Variants in IL2RA observed in about 807,000 individuals in gnomAD.
The protein encoded by IL2RA is interleukin 2 receptor subunit alpha, also known as interleukin-2 receptor subunit alpha.
Under a neutral mutation model 37.8 loss-of-function variants are expected in IL2RA, and 24 were observed. The ratio of observed to expected loss-of-function variants is 0.63; its 90% confidence interval spans 0.46 to 0.89. The LOEUF (loss-of-function observed/expected upper bound fraction) is 0.89. Ranked by LOEUF, IL2RA falls within the 40% of genes least tolerant of loss-of-function variation. IL2RA has a pLI of 0.00. For missense variants in IL2RA, 319 were observed against 348.6 expected (o/e 0.92, Z 0.68); for synonymous variants, 125 against 114.6 (o/e 1.09, Z -0.58).
chr10:6,031,436 A>G (rs1839572594), intron 1 of IL2RA, among the ~76,000 whole-genome samples: 1 of 114,766 alleles, frequency 8.7e-6, no homozygotes, highest in African/African-American at 3.2e-5. Context: ...CAAGTTAGCA[A>G]TTTCAGTATA....
rs1839870101 is a variant in IL2RA at position 6,046,899 on chromosome 10, G to T, written c.64+15189C>A. The stretch of plus-strand genomic sequence containing the variant: ...GAGAGCTGAATTCCAAGGTGGCCAC[G>T]TTTCCTAAGGACATGGGAACTTAAG... On this transcript the variant is annotated intron_variant, in intron 1 of 7. Transcript: ENST00000379959. The surrounding 1 kb of genome is among the most constrained non-coding windows in gnomAD (Gnocchi z 4.8). 6.6e-6 allele frequency among the ~76,000 whole-genome samples: 1 copy of T among 152,192 alleles called. No homozygotes were observed. The highest frequency in any genetic ancestry group is 2.4e-5 in the African/African-American group (1 of 41,438).
At chr10:6,040,852 A>G (rs1436538325) in intron 1 of IL2RA, among the ~76,000 whole-genome samples, 5 of 152,248 alleles carry the variant, frequency 3.3e-5, no homozygotes, top group South Asian at 4.1e-4. Context: ...AGAAAACCCA[A>G]GACGGTTAAA....
chr10:6,034,417 T>G (rs1024186187), intron 1 of IL2RA, among the ~76,000 whole-genome samples: 19 of 151,456 alleles, frequency 1.3e-4, no homozygotes, highest in African/African-American at 4.4e-4. Flanking sequence ...TTGCTCTTTT[T>G]CAATCTAATA....
intron 6 of IL2RA, 131 bp downstream of exon 6, chr10:6,019,293 AACCT>A: frequency 1.3e-6 from 1 of 781,952 alleles, no homozygotes; most frequent in Non-Finnish European, 2.4e-6. Flanking sequence ...TCAACTAGCC[AACCT>A]ACCTATCAAC....
chr10:6,027,998 G>A (rs954319180), intron 1 of IL2RA, among the ~76,000 whole-genome samples: 3 of 152,172 alleles, frequency 2.0e-5, no homozygotes, highest in Non-Finnish European at 2.9e-5. Context: ...TGCTGAAACA[G>A]CTGTAAAACC....
intron 1 of IL2RA, among the ~76,000 whole-genome samples, chr10:6,045,050 G>C (rs1839828025): frequency 6.6e-6 from 1 of 152,230 alleles, no homozygotes; most frequent in African/African-American, 2.4e-5. Flanking sequence ...AAAGTTGCCT[G>C]ATTCCCTCGG....
At chr10:6,045,129 TG>T (rs1199841343) in intron 1 of IL2RA, among the ~76,000 whole-genome samples, 1 of 152,180 alleles carries the variant, frequency 6.6e-6, no homozygotes, top group East Asian at 1.9e-4. Context: ...TCCGAGCACT[TG>T]GACACATCTC....
At chr10:6,043,756 A>T (rs1027743970) in intron 1 of IL2RA, among the ~76,000 whole-genome samples, 1 of 152,246 alleles carries the variant, frequency 6.6e-6, no homozygotes, top group Non-Finnish European at 1.5e-5. Context: ...TATTTAAAAT[A>T]AACAAAAAGG....
intron 1 of IL2RA, among the ~76,000 whole-genome samples, chr10:6,051,362 G>T (rs867866218): frequency 3.9e-4 from 59 of 152,078 alleles, no homozygotes; most frequent in African/African-American, 1.4e-3. Flanking sequence ...CTTTAACTCC[G>T]GGGACTTCAA....
chr10:6,036,802 G>A lies in IL2RA; in HGVS notation c.65-10777C>T, dbSNP rs1340732864. Reference sequence around the variant, plus strand: ...GTGGGGGACAGTCATTTTAGAGAGCGGACACCACTGCTGAAGAAGAAGGAT... The same window carrying A: ...GTGGGGGACAGTCATTTTAGAGAGCAGACACCACTGCTGAAGAAGAAGGAT... On this transcript the variant is annotated intron_variant, in intron 1 of 7. Coordinates refer to ENST00000379959, the MANE Select transcript of IL2RA (RefSeq NM_000417.3). This position sits in a 1 kb window ranked among gnomAD's most constrained non-coding sequence, Gnocchi z 6.1. Among the ~76,000 whole-genome samples the A allele has an allele frequency of 1.3e-4, 19 of 151,884 alleles. No individual in the cohort carries two copies. Among genetic ancestry groups the A allele is most frequent in the Non-Finnish European group, 7.4e-5 (5 of 68,026 alleles).
At position 6,033,659 on chromosome 10, in the gene IL2RA, T is replaced by G. The variant is rs1167497452; in HGVS notation, c.65-7634A>C. ...AGGCAATATTGATAAATCTCAAAAA[T>G]GTTATGTTGAACAAAATAAGCTAAA... is the stretch of plus-strand genomic sequence containing the variant. On this transcript the variant is annotated intron_variant, in intron 1 of 7. Transcript: ENST00000379959. This position sits in a 1 kb window ranked among gnomAD's most constrained non-coding sequence, Gnocchi z 4.3. Among the ~76,000 whole-genome samples the G allele has an allele frequency of 6.6e-6, 1 of 152,186 alleles. No individual in the cohort carries two copies. The highest frequency in any genetic ancestry group is 1.5e-5 in the Non-Finnish European group (1 of 68,032).
Position 6,021,333 on chromosome 10 carries a change from CA to C in IL2RA, c.583+144del. ...TCTATTTAAATTTTTTTTTTTTTCT[CA>C]GAATGAGAAAAAATGGAAGCCCAGG... On this transcript the variant is annotated intron_variant, in intron 4 of 7. Transcript: ENST00000379959. The surrounding 1 kb of genome is among the most constrained non-coding windows in gnomAD (Gnocchi z 4.9). The C allele has an allele frequency of 2.8e-6, 2 of 706,392 alleles. No individual in the cohort carries two copies. Among genetic ancestry groups the C allele is most frequent in the Non-Finnish European group, 4.8e-6 (2 of 414,914 alleles). 43.8% of individuals were successfully genotyped at this position (706,392 alleles called of 1,614,324 possible).
rs1358139739 is a variant in IL2RA at position 6,058,292 on chromosome 10, A to G, written c.64+3796T>C. ...AGCACCTCTAACTGACGCATTCGTG[A>G]AACTCATTCTTTTGGTGCAGAATTG... is the stretch of plus-strand genomic sequence containing the variant. On this transcript the variant is annotated intron_variant, in intron 1 of 7. Transcript: ENST00000379959. This position sits in a 1 kb window ranked among gnomAD's most constrained non-coding sequence, Gnocchi z 4.2. Among the ~76,000 whole-genome samples, 4 of 152,222 alleles carry G rather than the reference A, an allele frequency of 2.6e-5. No homozygotes were observed. The highest frequency in any genetic ancestry group is 7.2e-5 in the African/African-American group (3 of 41,458).
rs1047930273 is a variant in IL2RA at position 6,036,589 on chromosome 10, C to T, written c.65-10564G>A. Among the ~76,000 whole-genome samples, 4 of 152,210 alleles carry T rather than the reference C, an allele frequency of 2.6e-5. No homozygotes were observed. The highest frequency in any genetic ancestry group is 4.4e-5 in the Non-Finnish European group (3 of 68,036). ...GGGCAGGCCAGCGGCTCTTCCCTGA[C>T]GTGGAATTATGAGCCCTCTTTCTTC... On this transcript the variant is annotated intron_variant, in intron 1 of 7. Transcript: ENST00000379959. The surrounding 1 kb of genome is among the most constrained non-coding windows in gnomAD (Gnocchi z 6.1).
At chr10:6,023,356 GA>G (rs999501890) in intron 3 of IL2RA, among the ~76,000 whole-genome samples, 2 of 152,018 alleles carry the variant, frequency 1.3e-5, no homozygotes, top group African/African-American at 4.8e-5. Flanking sequence ...TTTGAGGGGG[GA>G]CAGAGTCTTC....
Position 6,062,081 on chromosome 10 carries a change from C to T in IL2RA, c.64+7G>A. 2 of 1,613,304 alleles carry T rather than the reference C, an allele frequency of 1.2e-6. No individual in the cohort carries two copies. Among genetic ancestry groups the T allele is most frequent in the Non-Finnish European group, 1.7e-6 (2 of 1,179,254 alleles). On this transcript the variant is annotated splice_region_variant and intron_variant, in intron 1 of 7. Coordinates refer to ENST00000379959, the MANE Select transcript of IL2RA (RefSeq NM_000417.3). ...CCGGAATTCCGGGGGCACCCACAGGCCCTTACCTGCCTGGCAGCCAGGCAC... is the reference window on the plus strand; with the variant it reads ...CCGGAATTCCGGGGGCACCCACAGGTCCTTACCTGCCTGGCAGCCAGGCAC...
intron 7 of IL2RA, among the ~76,000 whole-genome samples, chr10:6,016,293 T>G (rs1839277521): frequency 6.6e-6 from 1 of 152,190 alleles, no homozygotes; most frequent in Non-Finnish European, 1.5e-5. Context: ...CCTTGATACA[T>G]GGGGGCCCCT....
rs1222033146 is a variant in IL2RA at position 6,029,630 on chromosome 10, T to G, written c.65-3605A>C. 1.3e-5 allele frequency among the ~76,000 whole-genome samples: 2 copies of G among 152,038 alleles called. No individual in the cohort carries two copies. The highest frequency in any genetic ancestry group is 2.9e-5 in the Non-Finnish European group (2 of 68,010). ...CTCTCTGGCCCTTTCAGAAAAAAAA[T>G]TGCCAACTGCTAATTTAAAGAAAAA... On this transcript the variant is annotated intron_variant, in intron 1 of 7. Coordinates refer to ENST00000379959, the MANE Select transcript of IL2RA (RefSeq NM_000417.3). The surrounding 1 kb of genome is among the most constrained non-coding windows in gnomAD (Gnocchi z 4.6).
rs1394177634 is a variant in IL2RA, at chr10:6,036,016, G to A, written c.65-9991C>T. The A allele has an allele frequency of 1.3e-5, 2 of 152,336 alleles. No individual in the cohort carries two copies. The highest frequency in any genetic ancestry group is 4.8e-5 in the African/African-American group (2 of 41,464). The allele number at this position is 152,336 out of a possible 1,614,324, so 9.4% of individuals were successfully genotyped here. Reference sequence around the variant, plus strand: ...CTGGCTGACGCCTTGGCAATCGCAAGTGACAGTGACGGAGAGCCACCTCCT... The same window carrying A: ...CTGGCTGACGCCTTGGCAATCGCAAATGACAGTGACGGAGAGCCACCTCCT... On this transcript the variant is annotated intron_variant, in intron 1 of 7. Transcript: ENST00000379959. The surrounding 1 kb of genome is among the most constrained non-coding windows in gnomAD (Gnocchi z 6.1).
Sources: gnomAD v4.1 joint callset for allele counts (sites outside exome capture counted in the v4.1 genomes callset) on GRCh38, gnomAD v4.1.1 for gene constraint, Gnocchi (gnomAD v3.1) non-coding constraint, MANE v1.5 for transcripts, NCBI Gene and HGNC (gene_info 2026-07-23, HGNC 2026-07-21) for gene names.